Variants in ADAMTS16 observed in about 807,000 individuals in gnomAD.
ADAMTS16 encodes A disintegrin and metalloproteinase with thrombospondin motifs 16.
In ADAMTS16, 94 loss-of-function variants were observed where a neutral mutation model predicts 145.8. That is an observed-to-expected ratio of 0.64 (90% CI 0.55 to 0.77). The LOEUF (loss-of-function observed/expected upper bound fraction) is 0.77, where lower values mean the gene tolerates loss of function less well. ADAMTS16 is among the 30% of genes least tolerant of loss of function. The pLI is 0.00. For synonymous variants in ADAMTS16, 659 were observed against 604.3 expected (o/e 1.09, Z -1.33); for missense variants, 1,585 against 1,591.5 (o/e 1.00, Z 0.07).
intron 10 of ADAMTS16, among the ~76,000 whole-genome samples, chr5:5,216,520 C>G (rs1054166741): frequency 6.6e-6 from 1 of 151,468 alleles, no homozygotes; most frequent in South Asian, 2.1e-4. Context: ...CGTGAAAGCT[C>G]TTTAGTTTAA....
chr5:5,239,422 T>A (rs907527314), intron 15 of ADAMTS16, 148 bp downstream of exon 15: 6 of 1,286,972 alleles, frequency 4.7e-6, no homozygotes, highest in Admixed American at 2.7e-5. Flanking sequence ...TTCTCGAGCC[T>A]CTTGCTTTGA....
intron 6 of ADAMTS16, 40 bp downstream of exon 6, chr5:5,187,848 GA>G: frequency 7.4e-7 from 1 of 1,347,418 alleles, no homozygotes; most frequent in Non-Finnish European, 1.1e-6. Context: ...TTTATTCCTA[GA>G]AAAATAAATG....
chr5:5,237,960 G>A (rs1207165034), intron 14 of ADAMTS16, among the ~76,000 whole-genome samples: 2 of 152,162 alleles, frequency 1.3e-5, no homozygotes, highest in Non-Finnish European at 2.9e-5. Flanking sequence ...AAATGAAGAA[G>A]TTTTTCAATC....
intron 18 of ADAMTS16, among the ~76,000 whole-genome samples, chr5:5,277,634 T>G (rs1251392513): frequency 6.6e-6 from 1 of 152,172 alleles, no homozygotes; most frequent in Non-Finnish European, 1.5e-5. Flanking sequence ...ATTCCAATAA[T>G]TAGGGCTTTT....
At chr5:5,242,337 G>A in intron 17 of ADAMTS16, 146 bp downstream of exon 17, 1 of 1,146,478 alleles carries the variant, frequency 8.7e-7, no homozygotes, top group Non-Finnish European at 1.2e-6. Context: ...GGGGAGTGGT[G>A]GTCCTGAGTG....
chr5:5,230,588 G>A (rs1560959000), intron 11 of ADAMTS16, among the ~76,000 whole-genome samples: 1 of 152,160 alleles, frequency 6.6e-6, no homozygotes, highest in Non-Finnish European at 1.5e-5. Context: ...AGGACTGCAG[G>A]TTTCAAGGGC....
chr5:5,211,159 GTGT>G (rs926279964), intron 10 of ADAMTS16, among the ~76,000 whole-genome samples: 2 of 152,090 alleles, frequency 1.3e-5, no homozygotes, highest in African/African-American at 4.8e-5. Flanking sequence ...TAAAAGATTG[GTGT>G]TGTTTCTTCC....
intron 18 of ADAMTS16, among the ~76,000 whole-genome samples, chr5:5,296,686 A>C (rs1222136096): frequency 6.6e-6 from 1 of 152,176 alleles, no homozygotes; most frequent in Non-Finnish European, 1.5e-5. Flanking sequence ...CAGGAGCGAG[A>C]CCAGGAATGT....
chr5:5,150,644 G>T (rs1374877743), intron 3 of ADAMTS16, among the ~76,000 whole-genome samples: 3 of 152,224 alleles, frequency 2.0e-5, no homozygotes, highest in African/African-American at 7.2e-5. Context: ...CAGAGTCCAG[G>T]TTGTTTCTGC....
At position 5,165,218 on chromosome 5, in the gene ADAMTS16, C is replaced by T. The variant is rs574985706; in HGVS notation, c.502-16826C>T. On this transcript the variant is annotated intron_variant, in intron 3 of 22. Coordinates refer to ENST00000274181, the MANE Select transcript of ADAMTS16 (RefSeq NM_139056.4). Reference sequence around the variant, plus strand: ...ATCACACAACACTGGGTCCTCTGCTCCGGCTTCTTTTGCCAAGTATAATGT... The same window carrying T: ...ATCACACAACACTGGGTCCTCTGCTTCGGCTTCTTTTGCCAAGTATAATGT... 4.6e-5 allele frequency among the ~76,000 whole-genome samples: 7 copies of T among 152,246 alleles called. No individual in the cohort carries two copies. In the South Asian group the frequency reaches 1.2e-3, roughly 27 times the overall value.
At chr5:5,309,566 T>C (rs1052629247) in intron 21 of ADAMTS16, among the ~76,000 whole-genome samples, 5 of 152,186 alleles carry the variant, frequency 3.3e-5, no homozygotes, top group Non-Finnish European at 5.9e-5. Context: ...TTAGAGAAGT[T>C]TCCTCCTGCA....
At chr5:5,234,990 C>T in intron 12 of ADAMTS16, 24 bp from the exon 13 acceptor site, 1 of 1,494,792 alleles carries the variant, frequency 6.7e-7, no homozygotes, top group Non-Finnish European at 9.0e-7. Flanking sequence ...TATAAAAATT[C>T]TAACTTCAAA....
chr5:5,319,843 G>C lies in ADAMTS16; in HGVS notation c.*705G>C. The C allele has an allele frequency of 2.2e-6, 1 of 455,260 alleles. No individual in the cohort carries two copies. The highest frequency in any genetic ancestry group is 4.4e-6 in the Non-Finnish European group (1 of 226,586). 28.2% of individuals were successfully genotyped at this position (455,260 alleles called of 1,614,324 possible). Reference sequence around the variant, plus strand: ...TCTATCTCTTTCAGATTCATGCATTGAAGGAGAGATTTTTTATACTTTATG... The same window carrying C: ...TCTATCTCTTTCAGATTCATGCATTCAAGGAGAGATTTTTTATACTTTATG... On this transcript the variant is annotated 3_prime_UTR_variant, in exon 23 of 23. Transcript: ENST00000274181.
Position 5,182,311 on chromosome 5 carries a change from T to G in ADAMTS16, c.763+6T>G. ...CTGTGGAAGACGCAAGAAATGTATG[T>G]AAGGGCGAATCTTTGTGTGTATTTA... On this transcript the variant is annotated splice_donor_region_variant and intron_variant, in intron 4 of 22. Transcript: ENST00000274181. 6.2e-7 allele frequency: 1 copy of G among 1,607,166 alleles called. No individual in the cohort carries two copies. Among genetic ancestry groups the G allele is most frequent in the Non-Finnish European group, 8.5e-7 (1 of 1,174,814 alleles).
chr5:5,217,738 G>C (rs541359823), intron 10 of ADAMTS16, among the ~76,000 whole-genome samples: 3 of 152,186 alleles, frequency 2.0e-5, no homozygotes, highest in African/African-American at 7.2e-5. Context: ...AAAGAGAGAG[G>C]CTTCATTAAA....
Position 5,242,361 on chromosome 5 carries a change from C to T in ADAMTS16, c.2662+170C>T, listed in dbSNP as rs185174761. ...TGGTCCTGAGTGTCACTTGTCGGCC[C>T]GAGCTGCCTTCTCCAGTCTATCTGC... is the stretch of plus-strand genomic sequence containing the variant. On this transcript the variant is annotated intron_variant, in intron 17 of 22. Coordinates refer to ENST00000274181, the MANE Select transcript of ADAMTS16 (RefSeq NM_139056.4). 4.7e-3 allele frequency among the ~76,000 whole-genome samples: 716 copies of T among 152,300 alleles called. 6 individuals are homozygous for T. Among genetic ancestry groups the T allele is most frequent in the African/African-American group, 0.016 (679 of 41,566 alleles).
At chr5:5,293,858 G>T (rs1021781957) in intron 18 of ADAMTS16, among the ~76,000 whole-genome samples, 1 of 152,168 alleles carries the variant, frequency 6.6e-6, no homozygotes, top group Non-Finnish European at 1.5e-5. Flanking sequence ...CCATCCTGTG[G>T]TATCTTGCCA....
chr5:5,223,287 G>A (rs1010900095), intron 11 of ADAMTS16: 1 of 168,574 alleles, frequency 5.9e-6, no homozygotes, highest in Non-Finnish European at 1.3e-5. Context: ...TCTGTGAGAA[G>A]AGAGAGAGCT....
intron 3 of ADAMTS16, among the ~76,000 whole-genome samples, chr5:5,159,146 A>G (rs910743777): frequency 6.6e-6 from 1 of 152,372 alleles, no homozygotes; most frequent in African/African-American, 2.4e-5. Flanking sequence ...CTACAATTGA[A>G]GGACTGTGGA....
Sources: gnomAD v4.1 joint callset for allele counts (sites outside exome capture counted in the v4.1 genomes callset) on GRCh38, gnomAD v4.1.1 for gene constraint, MANE v1.5 for transcripts, NCBI Gene and HGNC (gene_info 2026-07-23, HGNC 2026-07-21) for gene names.